Variants in RIC8B observed in about 807,000 individuals in gnomAD.
The protein encoded by RIC8B is chaperone Ric-8B.
In RIC8B, 16 loss-of-function variants were observed where a neutral mutation model predicts 57.5. The ratio of observed to expected loss-of-function variants is 0.28; its 90% confidence interval spans 0.19 to 0.42. RIC8B has a LOEUF of 0.42. Ranked by LOEUF, RIC8B falls within the 10% of genes least tolerant of loss-of-function variation. The pLI is 1.00. For missense variants in RIC8B, 481 were observed against 677.0 expected, an observed-to-expected ratio of 0.71 and a Z score of 3.21; for synonymous variants, 216 against 250.8, an observed-to-expected ratio of 0.86 and a Z score of 1.31.
intron 2 of RIC8B, among the ~76,000 whole-genome samples, chr12:106,808,701 T>C (rs533306319): frequency 3.9e-5 from 6 of 152,220 alleles, no homozygotes; most frequent in Non-Finnish European, 7.3e-5. Context: ...CACTAATCAA[T>C]GGACAATTCT....
chr12:106,789,672 C>G (rs541348172), intron 2 of RIC8B, among the ~76,000 whole-genome samples: 5 of 152,242 alleles, frequency 3.3e-5, no homozygotes, highest in African/African-American at 1.2e-4. Context: ...TATCTCTCAG[C>G]AGGTGCCTCC....
intron 1 of RIC8B, 30 bp from the exon 2 acceptor site, chr12:106,783,967 A>G: frequency 6.2e-7 from 1 of 1,605,730 alleles, no homozygotes; most frequent in Non-Finnish European, 8.5e-7. Flanking sequence ...TGTATTTAAA[A>G]TGACATTGTT....
intron 4 of RIC8B, among the ~76,000 whole-genome samples, chr12:106,829,962 T>TATATGATTCTAC (rs1190301546): frequency 2.6e-5 from 4 of 152,244 alleles, no homozygotes; most frequent in Non-Finnish European, 5.9e-5. Flanking sequence ...TCATCCTGTA[T>TATATGATTCTAC]ATATGATTCT....
At chr12:106,787,485 C>G (rs2044084951) in intron 2 of RIC8B, among the ~76,000 whole-genome samples, 1 of 152,096 alleles carries the variant, frequency 6.6e-6, no homozygotes, top group African/African-American at 2.4e-5. Context: ...CATTACTGCC[C>G]AATTCGTTTG....
At position 106,784,123 on chromosome 12, in the gene RIC8B, T is replaced by G. The variant is rs184057979; in HGVS notation, c.132+79T>G. 9 of 1,274,638 alleles carry G rather than the reference T, an allele frequency of 7.1e-6. No homozygotes were observed. The East Asian group carries it at 1.6e-4, about 23-fold the overall frequency. The allele number at this position is 1,274,638 out of a possible 1,614,324, so 79.0% of individuals were successfully genotyped here. A position where few individuals can be genotyped will look rare whatever the true frequency, so the allele number is the denominator to read the frequency against. ...GGACTTTCTAAGCAGTGGTCATGTT[T>G]TCATCTGATGGTTATTGATTGGTTT... is the stretch of plus-strand genomic sequence containing the variant. On this transcript the variant is annotated intron_variant, in intron 2 of 9. Coordinates refer to ENST00000392837, the MANE Select transcript of RIC8B (RefSeq NM_001330145.2).
Position 106,814,821 on chromosome 12 carries a change from G to A in RIC8B, c.258G>A (p.Lys86=), listed in dbSNP as rs1320869871. ...DKKVLVPVTT[K]ENMQILLRLA... ...AGGTTTTAGTTCCTGTGACAACTAA[G>A]GAAAATATGCAGATACTGCTGCGAC... The change falls in exon 3 of 10, where the codon AAG becomes AAA. Residue 86 remains lysine (K), a synonymous_variant. Transcript: ENST00000392837. The A allele has an allele frequency of 6.2e-7, 1 of 1,614,208 alleles. No individual in the cohort carries two copies. Among genetic ancestry groups the A allele is most frequent in the African/African-American group, 1.3e-5 (1 of 75,052 alleles).
At chr12:106,813,555 A>C (rs1039204672) in intron 2 of RIC8B, among the ~76,000 whole-genome samples, 2 of 152,140 alleles carry the variant, frequency 1.3e-5, no homozygotes, top group Non-Finnish European at 2.9e-5. Context: ...AGGGTTCTGG[A>C]ATCAATCCCA....
intron 5 of RIC8B, among the ~76,000 whole-genome samples, chr12:106,843,214 A>G (rs528113575): frequency 2.0e-5 from 3 of 152,278 alleles, no homozygotes; most frequent in African/African-American, 2.4e-5. Context: ...GACCTTGTCA[A>G]TTTCCCATTT....
At chr12:106,857,728 T>C (rs1366974927) in intron 7 of RIC8B, among the ~76,000 whole-genome samples, 3 of 152,210 alleles carry the variant, frequency 2.0e-5, no homozygotes, top group Admixed American at 6.5e-5. Context: ...CGTTTACTAC[T>C]TTCCCAGTAT....
chr12:106,774,719 G>A lies in RIC8B; in HGVS notation c.-27G>A, dbSNP rs1299953803. 1 of 1,538,274 alleles carries A rather than the reference G, an allele frequency of 6.5e-7. No homozygotes were observed. Among genetic ancestry groups the A allele is most frequent in the African/African-American group, 1.4e-5 (1 of 72,908 alleles). On this transcript the variant is annotated 5_prime_UTR_variant, in exon 1 of 10. Coordinates refer to ENST00000392837, the MANE Select transcript of RIC8B (RefSeq NM_001330145.2). ...AGGCAGCGGCTTGGGCGCGCAGAGC[G>A]GCCGCGGCTCCCCCGCACCTGCGGC...
At chr12:106,871,486 AAAAAAAAAAAAACC>A (rs1950409304) in intron 9 of RIC8B, 1 of 142,974 alleles carries the variant, frequency 7.0e-6, no homozygotes, top group African/African-American at 2.6e-5. Context: ...AAAAAAAAAA[AAAAAAAAAAAAACC>A]AAAAAACTCC....
chr12:106,819,183 A>G (rs555153707), intron 3 of RIC8B, among the ~76,000 whole-genome samples: 1 of 152,324 alleles, frequency 6.6e-6, no homozygotes, highest in East Asian at 1.9e-4. Context: ...ATAAAAATTC[A>G]TAGAGTAGGT....
At chr12:106,808,499 GTCTTT>G (rs1464316530) in intron 2 of RIC8B, among the ~76,000 whole-genome samples, 1 of 152,150 alleles carries the variant, frequency 6.6e-6, no homozygotes, top group African/African-American at 2.4e-5. Flanking sequence ...AAGGATCAAG[GTCTTT>G]TCTTGTTTGT....
chr12:106,806,650 T>TAGA (rs1471159338), intron 2 of RIC8B, among the ~76,000 whole-genome samples: 24 of 152,052 alleles, frequency 1.6e-4, no homozygotes, highest in African/African-American at 5.3e-4. Flanking sequence ...ACCAACCTGG[T>TAGA]GAAACCCCGT....
At chr12:106,847,814 T>C (rs1452461078) in intron 6 of RIC8B, among the ~76,000 whole-genome samples, 1 of 152,250 alleles carries the variant, frequency 6.6e-6, no homozygotes, top group Non-Finnish European at 1.5e-5. Context: ...CTAGCTTATA[T>C]AATAGAAGGC....
At chr12:106,788,797 T>C (rs555322313) in intron 2 of RIC8B, among the ~76,000 whole-genome samples, 1 of 152,156 alleles carries the variant, frequency 6.6e-6, no homozygotes, top group Non-Finnish European at 1.5e-5. Flanking sequence ...GGCTTCCGGG[T>C]CTGTAATGGG....
intron 2 of RIC8B, among the ~76,000 whole-genome samples, chr12:106,791,935 T>C (rs573851472): frequency 6.6e-6 from 1 of 152,316 alleles, no homozygotes; most frequent in East Asian, 1.9e-4. Flanking sequence ...CTTATTTTGG[T>C]CATTTGGAAT....
intron 9 of RIC8B, among the ~76,000 whole-genome samples, chr12:106,881,840 T>C (rs1320741894): frequency 6.6e-6 from 1 of 152,144 alleles, no homozygotes; most frequent in African/African-American, 2.4e-5. Flanking sequence ...GAAATAAGCC[T>C]GGGGTCAATT....
intron 8 of RIC8B, among the ~76,000 whole-genome samples, chr12:106,870,175 T>G (rs1566166723): frequency 6.6e-6 from 1 of 152,220 alleles, no homozygotes; most frequent in Admixed American, 6.5e-5. Context: ...TTTTAAGTAC[T>G]GTATTAAATC....
Sources: allele counts gnomAD v4.1 joint callset (sites outside exome capture counted in the v4.1 genomes callset), GRCh38; gene constraint gnomAD v4.1.1; transcripts MANE v1.5; gene names NCBI Gene and HGNC (gene_info 2026-07-23, HGNC 2026-07-21).